Variants in NUDCD3 observed in about 807,000 individuals in gnomAD.
The protein encoded by NUDCD3 is nudC domain-containing protein 3.
In NUDCD3, 13 loss-of-function variants were observed where a neutral mutation model predicts 39.7. The observed-to-expected ratio is 0.33, with a 90% CI of 0.21 to 0.52. The LOEUF (loss-of-function observed/expected upper bound fraction) is 0.52. Ranked by LOEUF, NUDCD3 falls within the 20% of genes least tolerant of loss-of-function variation. The pLI is 0.96. For missense variants in NUDCD3, 453 were observed against 458.1 expected (o/e 0.99, Z 0.10); for synonymous variants, 175 against 172.4 (o/e 1.02, Z -0.12).
At chr7:44,410,361 A>C (rs572640888) in intron 3 of NUDCD3, among the ~76,000 whole-genome samples, 2 of 152,350 alleles carry the variant, frequency 1.3e-5, no homozygotes, top group Admixed American at 1.3e-4. Context: ...TCAATGGAAC[A>C]GAATTAAAAG....
At chr7:44,461,502 A>G (rs1800014639) in intron 2 of NUDCD3, among the ~76,000 whole-genome samples, 1 of 152,200 alleles carries the variant, frequency 6.6e-6, no homozygotes, top group African/African-American at 2.4e-5. Context: ...GCACACTCAT[A>G]AAGACTAAAT....
At chr7:44,419,655 A>T (rs896855946) in intron 3 of NUDCD3, among the ~76,000 whole-genome samples, 2 of 152,206 alleles carry the variant, frequency 1.3e-5, no homozygotes, top group African/African-American at 4.8e-5. Flanking sequence ...AGGAAGGAGG[A>T]GGTGGCAATC....
chr7:44,466,232 C>A (rs1363253203), intron 2 of NUDCD3, among the ~76,000 whole-genome samples: 1 of 152,136 alleles, frequency 6.6e-6, no homozygotes, highest in Non-Finnish European at 1.5e-5. Flanking sequence ...ATCCCCTGAG[C>A]CACCCTAAAT....
chr7:44,451,881 T>C (rs1282600493), intron 2 of NUDCD3, among the ~76,000 whole-genome samples: 2 of 152,108 alleles, frequency 1.3e-5, no homozygotes, highest in African/African-American at 4.8e-5. Context: ...CAGAGTCACC[T>C]GAGAGAAAAA....
At chr7:44,415,928 T>G (rs1004959434) in intron 3 of NUDCD3, among the ~76,000 whole-genome samples, 1 of 151,812 alleles carries the variant, frequency 6.6e-6, no homozygotes, top group African/African-American at 2.4e-5. Flanking sequence ...AGGGAATAAC[T>G]GGCCAGGCCA....
chr7:44,427,754 A>G, intron 2 of NUDCD3, 51 bp from the exon 3 acceptor site: 1 of 1,595,872 alleles, frequency 6.3e-7, no homozygotes, highest in Non-Finnish European at 8.5e-7. Flanking sequence ...TGAGCAGAGG[A>G]CCCCATGGGC....
At position 44,392,504 on chromosome 7, in the gene NUDCD3, G is replaced by C. The variant is rs1438717737; in HGVS notation, c.787-19C>G. The C allele has an allele frequency of 1.2e-6, 2 of 1,611,108 alleles. No homozygotes were observed. The highest frequency in any genetic ancestry group is 2.7e-5 in the African/African-American group (2 of 74,910). ...GGTTCACCTGGGGACAAGCAGGACAGAGACCTGAGTCAGAGACCTGAGACA... is the reference window on the plus strand; with the variant it reads ...GGTTCACCTGGGGACAAGCAGGACACAGACCTGAGTCAGAGACCTGAGACA... On this transcript the variant is annotated intron_variant, in intron 4 of 5. Coordinates refer to ENST00000355451, the MANE Select transcript of NUDCD3 (RefSeq NM_015332.4).
chr7:44,380,778 C>A lies in NUDCD3; in HGVS notation c.*5233G>T, dbSNP rs1204229659. The A allele has an allele frequency of 6.6e-6, 1 of 152,300 alleles. No individual in the cohort carries two copies. Among genetic ancestry groups the A allele is most frequent in the East Asian group, 1.9e-4 (1 of 5,194 alleles). 9.4% of individuals were successfully genotyped at this position (152,300 alleles called of 1,614,324 possible). A position where few individuals can be genotyped will look rare whatever the true frequency, so the allele number is the denominator to read the frequency against. On this transcript the variant is annotated 3_prime_UTR_variant, in exon 6 of 6. Transcript: ENST00000355451. Reference sequence around the variant, plus strand: ...CAGTTCCCTGAACCAGAGCAGCTTCCTAAACTCCCTAGTCCAGCAGAGGTT... The same window carrying A: ...CAGTTCCCTGAACCAGAGCAGCTTCATAAACTCCCTAGTCCAGCAGAGGTT...
intron 2 of NUDCD3, chr7:44,468,101 A>G (rs1280151890): frequency 2.5e-6 from 4 of 1,610,368 alleles, no homozygotes; most frequent in South Asian, 2.2e-5. Context: ...AACAAAGCAC[A>G]TGCTGCCCAG....
intron 2 of NUDCD3, chr7:44,471,958 A>C (rs1002648081): frequency 2.0e-5 from 3 of 152,196 alleles, no homozygotes; most frequent in African/African-American, 4.8e-5. Context: ...TCTAAATGCT[A>C]ATGTTTTCCA....
In NUDCD3 at chr7:44,449,356, A is replaced by C. The variant is rs184091673; in HGVS notation, c.510-21653T>G. Among the ~76,000 whole-genome samples, 346 of 152,266 alleles carry C rather than the reference A, an allele frequency of 2.3e-3. 2 individuals are homozygous for C. The highest frequency in any genetic ancestry group is 3.9e-3 in the Non-Finnish European group (268 of 68,014). ...AGGGAAACCTAAAGACAAACCACTCACTCTAACCCCAAGGAAGTTGTCCAT... is the reference window on the plus strand; with the variant it reads ...AGGGAAACCTAAAGACAAACCACTCCCTCTAACCCCAAGGAAGTTGTCCAT... On this transcript the variant is annotated intron_variant, in intron 2 of 5. Transcript: ENST00000355451.
chr7:44,465,576 C>T (rs1340407828), intron 2 of NUDCD3, among the ~76,000 whole-genome samples: 2 of 152,186 alleles, frequency 1.3e-5, no homozygotes, highest in South Asian at 2.1e-4. Context: ...TAAAAATAAA[C>T]TGTATTAACC....
At chr7:44,472,165 T>C (rs1279684515) in intron 2 of NUDCD3, among the ~76,000 whole-genome samples, 2 of 152,132 alleles carry the variant, frequency 1.3e-5, no homozygotes, top group Middle Eastern at 6.3e-3. Flanking sequence ...CAGCAACAAA[T>C]TTTGAGGAGG....
Position 44,382,814 on chromosome 7 carries a change from G to A in NUDCD3, c.*3197C>T, listed in dbSNP as rs1798328990. ...GGTGGGGGTGAGGTCTGTTCCCCAA[G>A]CGCAGTGTTCTGGGCAGTGAGTTCT... On this transcript the variant is annotated 3_prime_UTR_variant, in exon 6 of 6. Transcript: ENST00000355451. 1 of 152,438 alleles carries A rather than the reference G, an allele frequency of 6.6e-6. No individual in the cohort carries two copies. The highest frequency in any genetic ancestry group is 6.5e-5 in the Admixed American group (1 of 15,288). 9.4% of individuals were successfully genotyped at this position (152,438 alleles called of 1,614,324 possible).
chr7:44,463,029 T>C (rs1255914413), intron 2 of NUDCD3, among the ~76,000 whole-genome samples: 1 of 151,108 alleles, frequency 6.6e-6, no homozygotes, highest in Non-Finnish European at 1.5e-5. Context: ...ATCTTTTGCA[T>C]TGTATGAGTG....
At chr7:44,468,348 GCAAAA>G in intron 2 of NUDCD3, 2 of 305,486 alleles carry the variant, frequency 6.5e-6, no homozygotes, top group Non-Finnish European at 9.4e-6. Context: ...TGTAAAAACT[GCAAAA>G]AAAAAAAAAA....
intron 2 of NUDCD3, among the ~76,000 whole-genome samples, chr7:44,429,375 C>T (rs1299270034): frequency 2.0e-5 from 3 of 152,062 alleles, no homozygotes; most frequent in African/African-American, 2.4e-5. Context: ...GGAGAGATGA[C>T]GTGAAGGCCA....
In NUDCD3 at chr7:44,398,330, T is replaced by C. The variant is rs564142202; in HGVS notation, c.787-5845A>G. 7.2e-5 allele frequency among the ~76,000 whole-genome samples: 11 copies of C among 152,314 alleles called. No homozygotes were observed. The East Asian group carries it at 1.9e-3, about 27-fold the overall frequency. The stretch of plus-strand genomic sequence containing the variant: ...ATTCCTGGCCTCTCTGGTCTCTCAA[T>C]GGCTTATAACTCATTACCATGCTTA... On this transcript the variant is annotated intron_variant, in intron 4 of 5. Transcript: ENST00000355451.
intron 3 of NUDCD3, among the ~76,000 whole-genome samples, chr7:44,409,565 C>CAA (rs536460900): frequency 6.7e-5 from 9 of 133,576 alleles, no homozygotes; most frequent in East Asian, 2.2e-4. Flanking sequence ...TCAATAACAG[C>CAA]AAAAAAAAAA....
Sources: allele counts gnomAD v4.1 joint callset (sites outside exome capture counted in the v4.1 genomes callset), GRCh38; gene constraint gnomAD v4.1.1; transcripts MANE v1.5; gene names NCBI Gene and HGNC (gene_info 2026-07-23, HGNC 2026-07-21).